ZBBX: variants seen among roughly 807,000 people sequenced by gnomAD.
The protein encoded by ZBBX is zinc finger B-box domain containing.
ZBBX carries 101 observed loss-of-function variants against 108.5 expected under a neutral mutation model. The observed-to-expected ratio is 0.93, with a 90% CI of 0.79 to 1.10. The LOEUF (loss-of-function observed/expected upper bound fraction) is 1.10, where lower values mean the gene tolerates loss of function less well. Ranked by LOEUF, ZBBX falls within the 50% of genes least tolerant of loss-of-function variation. The pLI, the probability that ZBBX is intolerant of heterozygous loss-of-function variation, is 0.00. For missense variants in ZBBX, 1,009 were observed against 941.4 expected, an observed-to-expected ratio of 1.07 and a Z score of -0.94; for synonymous variants, 356 against 323.4, an observed-to-expected ratio of 1.10 and a Z score of -1.08.
chr3:167,404,460 T>C lies in ZBBX; in HGVS notation c.-446+3266A>G, dbSNP rs1577151135. 2.0e-5 allele frequency among the ~76,000 whole-genome samples: 3 copies of C among 152,256 alleles called. No homozygotes were observed. The East Asian group carries it at 5.8e-4, about 29-fold the overall frequency. ...CCAATCACTGAGACAATGAGTATTG[T>C]CAGAGAAGAAGATTTTATTTGGGTG... On this transcript the variant is annotated intron_variant, in intron 1 of 21. Coordinates refer to the ZBBX transcript ENST00000455345.
At chr3:167,200,268 A>C in the ZBBX span, among the ~76,000 whole-genome samples, 1 of 152,176 alleles carries the variant, frequency 6.6e-6, no homozygotes, top group Admixed American at 6.6e-5. Flanking sequence ...ACACCTAGTT[A>C]AATTTGAATA....
the ZBBX span, among the ~76,000 whole-genome samples, chr3:167,179,719 A>G: frequency 6.6e-6 from 1 of 152,216 alleles, no homozygotes; most frequent in Non-Finnish European, 1.5e-5. Flanking sequence ...GGAAAACTTT[A>G]CCTTTTGAGC....
the ZBBX span, among the ~76,000 whole-genome samples, chr3:167,225,621 G>T: frequency 6.6e-6 from 1 of 151,690 alleles, no homozygotes; most frequent in East Asian, 1.9e-4. Context: ...TGACTATCGG[G>T]GGCTCGGATT....
At chr3:167,386,151 T>TA (rs1006692728) in intron 1 of ZBBX, among the ~76,000 whole-genome samples, 15 of 150,922 alleles carry the variant, frequency 9.9e-5, no homozygotes, top group African/African-American at 3.2e-4. Context: ...GGATAAAAGG[T>TA]AAAAAAAGAA....
intron 20 of ZBBX, among the ~76,000 whole-genome samples, chr3:167,277,834 A>G (rs1250841311): frequency 2.0e-5 from 3 of 152,192 alleles, no homozygotes; most frequent in African/African-American, 7.2e-5. Flanking sequence ...TCCGAAATTG[A>G]CCACATACTT....
At chr3:167,231,211 T>A in the ZBBX span, among the ~76,000 whole-genome samples, 35 of 151,784 alleles carry the variant, frequency 2.3e-4, no homozygotes, top group African/African-American at 8.0e-4. Flanking sequence ...ACATTAGAGG[T>A]TTGACAGAAT....
At chr3:167,226,558 A>C in the ZBBX span, among the ~76,000 whole-genome samples, 1 of 151,724 alleles carries the variant, frequency 6.6e-6, no homozygotes, top group Non-Finnish European at 1.5e-5. Flanking sequence ...TATATAGAAA[A>C]TCTGTTGGAA....
At chr3:167,405,793 C>T (rs1449312452) in intron 1 of ZBBX, among the ~76,000 whole-genome samples, 4 of 152,096 alleles carry the variant, frequency 2.6e-5, no homozygotes, top group Non-Finnish European at 5.9e-5. Flanking sequence ...ACCAACAGGC[C>T]GAGCGTGGTG....
chr3:167,264,641 GAA>G (rs1454125328), intron 20 of ZBBX, among the ~76,000 whole-genome samples: 1 of 152,136 alleles, frequency 6.6e-6, no homozygotes, highest in African/African-American at 2.4e-5. Context: ...CTTAAGTCAG[GAA>G]AAGTTTACAC....
In ZBBX at chr3:167,288,225, C is replaced by T. The variant is rs577155990; in HGVS notation, c.1996+642G>A. 8.2e-4 allele frequency among the ~76,000 whole-genome samples: 125 copies of T among 152,108 alleles called. 1 individual carries two copies. The highest frequency in any genetic ancestry group is 1.6e-3 in the Admixed American group (25 of 15,262). On this transcript the variant is annotated intron_variant, in intron 19 of 21. Transcript: ENST00000675490. Reference sequence around the variant, plus strand: ...GGTATAATGGGATAACAGTAATGTCCTAATAATAGTAGTGATTTTAATGAT... The same window carrying T: ...GGTATAATGGGATAACAGTAATGTCTTAATAATAGTAGTGATTTTAATGAT...
At chr3:167,368,608 A>G (rs753720170) in intron 4 of ZBBX, 34 bp from the exon 5 acceptor site, 2 of 1,492,936 alleles carry the variant, frequency 1.3e-6, no homozygotes, top group Non-Finnish European at 1.8e-6. Flanking sequence ...AGAAAGCAGA[A>G]AAACAAGCGA....
chr3:167,221,064 A>G, the ZBBX span, among the ~76,000 whole-genome samples: 1 of 152,096 alleles, frequency 6.6e-6, no homozygotes, highest in Admixed American at 6.6e-5. Context: ...ATGGAAAAGA[A>G]CACAAAAAAA....
chr3:167,223,356 G>T, the ZBBX span, among the ~76,000 whole-genome samples: 18,741 of 151,894 alleles, frequency 0.12, 1,476 homozygotes, highest in Non-Finnish European at 0.17. Context: ...AGGTCTTCAA[G>T]AAAATGTTTT....
At chr3:167,236,938 A>G (rs1720253088), downstream of ZBBX, among the ~76,000 whole-genome samples, 1 of 151,900 alleles carries the variant, frequency 6.6e-6, no homozygotes, top group African/African-American at 2.4e-5. Flanking sequence ...TAGAGATTAG[A>G]TAAATGCTCT....
intron 20 of ZBBX, among the ~76,000 whole-genome samples, chr3:167,250,078 G>A (rs1211735249): frequency 2.0e-5 from 3 of 152,144 alleles, no homozygotes; most frequent in South Asian, 2.1e-4. Flanking sequence ...TGATTCAGTC[G>A]AGAACAGCTA....
chr3:167,365,148 T>C (rs951521534), intron 6 of ZBBX, among the ~76,000 whole-genome samples: 12 of 151,726 alleles, frequency 7.9e-5, no homozygotes, highest in African/African-American at 2.7e-4. Context: ...CACCAGAGAA[T>C]AAAACGCTTT....
At chr3:167,245,168 C>G (rs1365755039) in intron 20 of ZBBX, among the ~76,000 whole-genome samples, 1 of 152,100 alleles carries the variant, frequency 6.6e-6, no homozygotes, top group East Asian at 1.9e-4. Flanking sequence ...AATCCCAGCA[C>G]TTTGGGAGGC....
Position 167,287,168 on chromosome 3 carries a change from C to A in ZBBX, c.1996+1699G>T, listed in dbSNP as rs150452388. On this transcript the variant is annotated intron_variant, in intron 19 of 21. Transcript: ENST00000675490. ...TATTATAGCTGATAGGACATATTAT[C>A]ATTAATTACCTATTAAGGTCCAAAA... Among the ~76,000 whole-genome samples the A allele has an allele frequency of 2.8e-3, 432 of 152,108 alleles. 2 individuals carry two copies. The highest frequency in any genetic ancestry group is 9.9e-3 in the African/African-American group (411 of 41,516).
intron 1 of ZBBX, among the ~76,000 whole-genome samples, chr3:167,393,077 C>A (rs917682316): frequency 5.3e-5 from 8 of 151,746 alleles, no homozygotes; most frequent in Non-Finnish European, 8.8e-5. Context: ...AGAATGTTAG[C>A]TAGCCTAAAA....
Sources: gnomAD v4.1 joint callset for allele counts (sites outside exome capture counted in the v4.1 genomes callset) on GRCh38, gnomAD v4.1.1 for gene constraint, MANE v1.5 for transcripts, NCBI Gene and HGNC (gene_info 2026-07-23, HGNC 2026-07-21) for gene names.